The following GTPBP4 variants were observed in gnomAD, a reference collection of about 807,000 sequenced individuals.
The protein encoded by GTPBP4 is GTP-binding protein 4.
Under a neutral mutation model 81.7 loss-of-function variants are expected in GTPBP4, and 15 were observed. That is an observed-to-expected ratio of 0.18 (90% CI 0.12 to 0.28). The LOEUF (loss-of-function observed/expected upper bound fraction) is 0.28, where lower values mean the gene tolerates loss of function less well. GTPBP4 is among the 10% of genes least tolerant of loss of function. The pLI is 1.00. For missense variants in GTPBP4, 847 were observed against 793.8 expected (o/e 1.07, Z -0.81); for synonymous variants, 272 against 274.6 (o/e 0.99, Z 0.09).
chr10:1,012,421 T>C, intron 13 of GTPBP4, 44 bp from the exon 14 acceptor site: 1 of 1,361,804 alleles, frequency 7.3e-7, no homozygotes, highest in Non-Finnish European at 1.0e-6. Context: ...ACTCAGGGGT[T>C]TTCTCATTGT....
chr10:1,006,161 G>A (rs561521161), intron 9 of GTPBP4, among the ~76,000 whole-genome samples: 1 of 152,318 alleles, frequency 6.6e-6, no homozygotes, highest in South Asian at 2.1e-4. Context: ...TAAAGCAGCT[G>A]TTGTCTCTGG....
Position 992,663 on chromosome 10 carries a change from A to G in GTPBP4, c.219+4A>G, listed in dbSNP as rs760336703. ...AACAGATTTCCCCAAATTGGATGTAAGTGACTTAGGGGACTTCTGTGGTTA... is the reference window on the plus strand; with the variant it reads ...AACAGATTTCCCCAAATTGGATGTAGGTGACTTAGGGGACTTCTGTGGTTA... On this transcript the variant is annotated splice_donor_region_variant and intron_variant, in intron 2 of 16. Coordinates refer to ENST00000360803, the MANE Select transcript of GTPBP4 (RefSeq NM_012341.3). The G allele has an allele frequency of 5.0e-6, 8 of 1,586,226 alleles. No individual in the cohort carries two copies. Among genetic ancestry groups the G allele is most frequent in the East Asian group, 2.2e-5 (1 of 44,714 alleles).
chr10:999,989 G>A (rs568693060), intron 6 of GTPBP4, among the ~76,000 whole-genome samples: 11 of 152,154 alleles, frequency 7.2e-5, no homozygotes, highest in African/African-American at 2.6e-4. Context: ...AAAGCAAGAA[G>A]CAATGTTTCC....
chr10:1,015,997 G>C lies in GTPBP4; in HGVS notation c.1752+101G>C, dbSNP rs1831985773. The C allele has an allele frequency of 3.7e-6, 4 of 1,082,266 alleles. No homozygotes were observed. In the East Asian group the frequency reaches 9.5e-5, roughly 26 times the overall value. 67.0% of individuals were successfully genotyped at this position (1,082,266 alleles called of 1,614,324 possible). A position where few individuals can be genotyped will look rare whatever the true frequency, so the allele number is the denominator to read the frequency against. On this transcript the variant is annotated intron_variant, in intron 16 of 16. Coordinates refer to ENST00000360803, the MANE Select transcript of GTPBP4 (RefSeq NM_012341.3). Reference sequence around the variant, plus strand: ...AGCAGTTGCCATTTGCAGGAACTATGGCAGGGGTTGTGTGTACTGCATGCC... The same window carrying C: ...AGCAGTTGCCATTTGCAGGAACTATCGCAGGGGTTGTGTGTACTGCATGCC...
At chr10:990,491 G>A (rs1280179679) in intron 1 of GTPBP4, among the ~76,000 whole-genome samples, 1 of 152,118 alleles carries the variant, frequency 6.6e-6, no homozygotes, top group African/African-American at 2.4e-5. Context: ...GGGAGGCTGA[G>A]GCGGGCAAAT....
chr10:1,007,785 C>T (rs199810404), intron 10 of GTPBP4: 1 of 441,688 alleles, frequency 2.3e-6, no homozygotes, highest in East Asian at 6.0e-5. Context: ...TCGGCGTGGT[C>T]GGGCACTGAC....
rs138170501 is a variant in GTPBP4, at chr10:992,228, A to G, written c.49-261A>G. On this transcript the variant is annotated intron_variant, in intron 1 of 16. Coordinates refer to ENST00000360803, the MANE Select transcript of GTPBP4 (RefSeq NM_012341.3). The stretch of plus-strand genomic sequence containing the variant: ...ATCCTGGCTAACATGGTGAAACCCC[A>G]TCTCTACTAAAAATGCAAAAAATTA... 8.0e-3 allele frequency among the ~76,000 whole-genome samples: 1,207 copies of G among 151,076 alleles called. 15 individuals carry two copies. Among genetic ancestry groups the G allele is most frequent in the African/African-American group, 0.026 (1,087 of 41,230 alleles).
rs1199645041 is a variant in GTPBP4 at position 1,007,184 on chromosome 10, T to G, written c.1113+56T>G. ...CACAGTACTGTCAGCAGGTGCTGTCTGCGTGCCTTTTCCAGAAGCCTCCCA... is the reference window on the plus strand; with the variant it reads ...CACAGTACTGTCAGCAGGTGCTGTCGGCGTGCCTTTTCCAGAAGCCTCCCA... On this transcript the variant is annotated intron_variant, in intron 10 of 16. Coordinates refer to ENST00000360803, the MANE Select transcript of GTPBP4 (RefSeq NM_012341.3). 4.2e-6 allele frequency: 4 copies of G among 952,602 alleles called. No individual in the cohort carries two copies. The Admixed American group carries it at 7.2e-5, about 17-fold the overall frequency. The allele number at this position is 952,602 out of a possible 1,614,324, so 59.0% of individuals were successfully genotyped here.
At chr10:1,010,611 C>T in intron 13 of GTPBP4, 91 bp downstream of exon 13, 1 of 782,792 alleles carries the variant, frequency 1.3e-6, no homozygotes, top group South Asian at 1.4e-5. Flanking sequence ...CTCAGCTGGG[C>T]CTGTCCGCTT....
At position 999,165 on chromosome 10, in the gene GTPBP4, C is replaced by T. The variant is rs982998653; in HGVS notation, c.654+70C>T. On this transcript the variant is annotated intron_variant, in intron 6 of 16. Transcript: ENST00000360803. Reference sequence around the variant, plus strand: ...TGGAGTTTCACTCTTGTTGCCCAGGCTGGAGTGCAGTGGCATGATCTCAGT... The same window carrying T: ...TGGAGTTTCACTCTTGTTGCCCAGGTTGGAGTGCAGTGGCATGATCTCAGT... The T allele has an allele frequency of 1.1e-5, 10 of 875,250 alleles. No homozygotes were observed. In the South Asian group the frequency reaches 1.2e-4, roughly 11 times the overall value. The allele number at this position is 875,250 out of a possible 1,614,324, so 54.2% of individuals were successfully genotyped here. A position where few individuals can be genotyped will look rare whatever the true frequency, so the allele number is the denominator to read the frequency against.
At chr10:1,001,079 A>G in intron 8 of GTPBP4, 66 bp downstream of exon 8, 2 of 1,117,068 alleles carry the variant, frequency 1.8e-6, no homozygotes, top group Admixed American at 1.8e-5. Flanking sequence ...TCAGACAACC[A>G]AAGTTTAGAT....
chr10:990,291 A>G (rs894684562), intron 1 of GTPBP4, among the ~76,000 whole-genome samples: 4 of 152,218 alleles, frequency 2.6e-5, no homozygotes, highest in Non-Finnish European at 5.9e-5. Flanking sequence ...GAAGTAAAAA[A>G]AAAAAATCAC....
intron 10 of GTPBP4, chr10:1,007,823 T>C (rs1831772620): frequency 4.1e-6 from 2 of 491,044 alleles, no homozygotes; most frequent in Admixed American, 4.5e-5. Flanking sequence ...GATGATTTTA[T>C]TGTTGTGTGT....
chr10:996,267 C>G (rs776244037), intron 4 of GTPBP4, 25 bp downstream of exon 4: 3 of 1,601,890 alleles, frequency 1.9e-6, no homozygotes, highest in Non-Finnish European at 2.6e-6. Context: ...TCCGCGGGAA[C>G]CGTGCTAGCA....
chr10:990,431 G>T (rs2132152834), intron 1 of GTPBP4, among the ~76,000 whole-genome samples: 1 of 152,188 alleles, frequency 6.6e-6, no homozygotes, highest in South Asian at 2.1e-4. Flanking sequence ...TTTCAAGAGA[G>T]GTAAGTCGAG....
intron 16 of GTPBP4, 82 bp from the exon 17 acceptor site, chr10:1,016,993 A>T: frequency 2.6e-6 from 3 of 1,144,920 alleles, no homozygotes; most frequent in Non-Finnish European, 3.8e-6. Context: ...CATTAAACAG[A>T]TTGTTACCCA....
At chr10:1,006,908 C>A in intron 9 of GTPBP4, 110 bp from the exon 10 acceptor site, 1 of 707,352 alleles carries the variant, frequency 1.4e-6, no homozygotes, top group Non-Finnish European at 2.6e-6. Context: ...GTGTTAGTTA[C>A]CTTGAGGGAA....
intron 9 of GTPBP4, 54 bp downstream of exon 9, chr10:1,005,961 C>T (rs571046814): frequency 1.8e-5 from 16 of 894,200 alleles, no homozygotes; most frequent in Non-Finnish European, 2.8e-5. Flanking sequence ...TTGTTTGATT[C>T]AAGTCAGTTG....
intron 6 of GTPBP4, among the ~76,000 whole-genome samples, chr10:999,523 A>G (rs1831587309): frequency 6.6e-6 from 1 of 152,262 alleles, no homozygotes; most frequent in Admixed American, 6.5e-5. Flanking sequence ...GGGATGCATA[A>G]GAACAGGTCG....
Sources: allele counts gnomAD v4.1 joint callset (sites outside exome capture counted in the v4.1 genomes callset), GRCh38; gene constraint gnomAD v4.1.1; transcripts MANE v1.5; gene names NCBI Gene and HGNC (gene_info 2026-07-23, HGNC 2026-07-21).